The following DNM3 variants were observed in gnomAD, a reference collection of about 807,000 sequenced individuals.
DNM3 encodes the protein dynamin 3, also known as dynamin-3.
DNM3 carries 47 observed loss-of-function variants against 101.6 expected under a neutral mutation model. The ratio of observed to expected loss-of-function variants is 0.46; its 90% confidence interval spans 0.37 to 0.59. The LOEUF (loss-of-function observed/expected upper bound fraction) is 0.59, where lower values mean the gene tolerates loss of function less well. Among genes scored for constraint, DNM3 ranks in the 20% least tolerant of loss-of-function variants. The probability of loss-of-function intolerance (pLI) is 0.00; values close to 1 mark genes in which losing one functional copy is unlikely to be tolerated. For missense variants in DNM3, 849 were observed against 1,085.7 expected (o/e 0.78, Z 3.06); for synonymous variants, 385 against 387.9 (o/e 0.99, Z 0.09).
At chr1:172,149,523 AC>A (rs1332193962) in intron 14 of DNM3, among the ~76,000 whole-genome samples, 1 of 152,162 alleles carries the variant, frequency 6.6e-6, no homozygotes, top group Non-Finnish European at 1.5e-5. Flanking sequence ...GTGAGAGCAT[AC>A]TAGCAGTGTA....
chr1:171,843,603 G>A (rs908792188), intron 1 of DNM3, among the ~76,000 whole-genome samples: 11 of 152,110 alleles, frequency 7.2e-5, no homozygotes, highest in African/African-American at 2.2e-4. Flanking sequence ...TATTTACTTG[G>A]ATGAGCCTAT....
chr1:172,226,319 A>C (rs1398849846), intron 14 of DNM3, among the ~76,000 whole-genome samples: 2 of 152,222 alleles, frequency 1.3e-5, no homozygotes, highest in Non-Finnish European at 1.5e-5. Flanking sequence ...TCAGACCTTT[A>C]GTTCAATATA....
intron 1 of DNM3, among the ~76,000 whole-genome samples, chr1:171,911,887 C>A (rs986739213): frequency 6.6e-6 from 1 of 151,972 alleles, no homozygotes; most frequent in African/African-American, 2.4e-5. Flanking sequence ...ACTGTCGTGT[C>A]AAAGAAAAGT....
At chr1:172,062,811 A>T (rs2051345691) in intron 10 of DNM3, among the ~76,000 whole-genome samples, 1 of 152,226 alleles carries the variant, frequency 6.6e-6, no homozygotes, top group African/African-American at 2.4e-5. Context: ...CTTATCTTCA[A>T]TCACCTTTGT....
chr1:171,907,726 A>G (rs1297665135), intron 1 of DNM3, among the ~76,000 whole-genome samples: 1 of 152,154 alleles, frequency 6.6e-6, no homozygotes, highest in Admixed American at 6.5e-5. Context: ...AGTCGTTACT[A>G]AACTCTCACT....
intron 14 of DNM3, among the ~76,000 whole-genome samples, chr1:172,249,487 CCT>C (rs879742745): frequency 1.3e-5 from 2 of 152,032 alleles, no homozygotes; most frequent in Admixed American, 1.3e-4. Flanking sequence ...TCTCATGTTC[CCT>C]CTCTCTTTGA....
chr1:172,379,311 C>G, intron 18 of DNM3, 129 bp downstream of exon 18: 3 of 863,236 alleles, frequency 3.5e-6, no homozygotes, highest in Non-Finnish European at 3.5e-6. Flanking sequence ...TCATCATTTT[C>G]CATTAGACGT....
chr1:172,156,519 G>T lies in DNM3; in HGVS notation c.1659+25231G>T, dbSNP rs1471786477. ...TTTCTTACCTAATAATTCCTAGAAA[G>T]ACACTAGAGCCAAGCCTTGGGTTCC... On this transcript the variant is annotated intron_variant, in intron 14 of 20. Transcript: ENST00000627582. Among the ~76,000 whole-genome samples the T allele has an allele frequency of 2.0e-5, 3 of 152,056 alleles. No homozygotes were observed. In the East Asian group the frequency reaches 5.8e-4, roughly 29 times the overall value.
At chr1:172,073,021 A>G (rs1474531568) in intron 11 of DNM3, among the ~76,000 whole-genome samples, 1 of 152,220 alleles carries the variant, frequency 6.6e-6, no homozygotes, top group Non-Finnish European at 1.5e-5. Flanking sequence ...TAAAATGGTG[A>G]ACAAGATAAA....
At chr1:172,079,808 T>C (rs2052986999) in intron 11 of DNM3, among the ~76,000 whole-genome samples, 1 of 152,208 alleles carries the variant, frequency 6.6e-6, no homozygotes, top group South Asian at 2.1e-4. Flanking sequence ...GGGGTTTCTG[T>C]GTGGACACCT....
intron 4 of DNM3, among the ~76,000 whole-genome samples, chr1:172,018,681 A>C (rs1405232909): frequency 1.3e-5 from 2 of 152,134 alleles, no homozygotes; most frequent in African/African-American, 2.4e-5. Flanking sequence ...TCTGTCAAAT[A>C]TTTTATTTAC....
At chr1:171,898,705 TAG>T (rs60596739) in intron 1 of DNM3, among the ~76,000 whole-genome samples, 2 of 150,314 alleles carry the variant, frequency 1.3e-5, no homozygotes, top group Admixed American at 6.6e-5. Context: ...TATATATATA[TAG>T]AGAGAGAGAG....
intron 14 of DNM3, among the ~76,000 whole-genome samples, chr1:172,152,417 C>T (rs543411769): frequency 6.6e-6 from 1 of 152,142 alleles, no homozygotes; most frequent in Non-Finnish European, 1.5e-5. Context: ...AAATTTTGCC[C>T]TATGTACTTC....
At chr1:171,933,447 G>C (rs996837094) in intron 2 of DNM3, among the ~76,000 whole-genome samples, 2 of 152,200 alleles carry the variant, frequency 1.3e-5, no homozygotes, top group African/African-American at 2.4e-5. Flanking sequence ...ATTCTAGGTG[G>C]AGAGAAACCA....
intron 15 of DNM3, among the ~76,000 whole-genome samples, chr1:172,306,780 G>T (rs1170669841): frequency 6.6e-6 from 1 of 152,168 alleles, no homozygotes; most frequent in Non-Finnish European, 1.5e-5. Flanking sequence ...ATGAGGAAAG[G>T]ATTCCCTATT....
intron 15 of DNM3, among the ~76,000 whole-genome samples, chr1:172,257,535 T>G (rs1056753790): frequency 2.9e-4 from 44 of 152,126 alleles, no homozygotes; most frequent in African/African-American, 9.7e-4. Flanking sequence ...ATTTATTTTG[T>G]CTTATGTTAG....
intron 13 of DNM3, among the ~76,000 whole-genome samples, chr1:172,097,611 A>G (rs1487854785): frequency 6.6e-6 from 1 of 152,150 alleles, no homozygotes; most frequent in Admixed American, 6.5e-5. Context: ...TAGGACTTAA[A>G]GCATGATGGA....
intron 17 of DNM3, among the ~76,000 whole-genome samples, chr1:172,360,336 T>C (rs1231312676): frequency 6.6e-6 from 1 of 152,062 alleles, no homozygotes; most frequent in African/African-American, 2.4e-5. Context: ...AGTTCCTTCT[T>C]ATAGCAAAGC....
chr1:171,937,097 C>A (rs993554507), intron 2 of DNM3, among the ~76,000 whole-genome samples: 1 of 152,176 alleles, frequency 6.6e-6, no homozygotes, highest in Non-Finnish European at 1.5e-5. Flanking sequence ...ATGTCAAGGA[C>A]TTGTTCTCTA....
Sources: gnomAD v4.1 joint callset for allele counts (sites outside exome capture counted in the v4.1 genomes callset) on GRCh38, gnomAD v4.1.1 for gene constraint, MANE v1.5 for transcripts, NCBI Gene and HGNC (gene_info 2026-07-23, HGNC 2026-07-21) for gene names.